Variants in TACR1 observed in about 807,000 individuals in gnomAD.
TACR1 encodes the protein substance-P receptor.
In TACR1, 25 loss-of-function variants were observed where a neutral mutation model predicts 35.8. The observed-to-expected ratio is 0.70, with a 90% confidence interval of 0.51 to 0.98. The LOEUF (loss-of-function observed/expected upper bound fraction) is 0.98. TACR1 is among the 50% of genes least tolerant of loss of function. The pLI is 0.00. For synonymous variants in TACR1, 195 were observed against 206.7 expected, an observed-to-expected ratio of 0.94 and a Z score of 0.48; for missense variants, 478 against 522.9, an observed-to-expected ratio of 0.91 and a Z score of 0.84.
At chr2:75,076,276 C>A (rs1672974292) in intron 2 of TACR1, among the ~76,000 whole-genome samples, 1 of 152,322 alleles carries the variant, frequency 6.6e-6, no homozygotes, top group South Asian at 2.1e-4. Context: ...GCAGCTGGCG[C>A]TGTTTACTCA....
At chr2:75,094,291 A>G in intron 2 of TACR1, among the ~76,000 whole-genome samples, 1 of 152,212 alleles carries the variant, frequency 6.6e-6, no homozygotes, top group East Asian at 1.9e-4. Context: ...TTTGAATTAA[A>G]ATAAAGAGAA....
chr2:75,051,093 A>G, intron 4 of TACR1, 158 bp downstream of exon 4: 1 of 904,170 alleles, frequency 1.1e-6, no homozygotes, highest in East Asian at 2.5e-5. Context: ...GATGGTGATA[A>G]TCAGCCAGGC....
At chr2:75,186,839 T>A (rs1277201480) in intron 1 of TACR1, 4 of 152,250 alleles carry the variant, frequency 2.6e-5, no homozygotes, top group Non-Finnish European at 5.9e-5. Context: ...GTCATTGACA[T>A]TTATTGAAGC....
intron 1 of TACR1, among the ~76,000 whole-genome samples, chr2:75,169,589 A>G (rs1433562555): frequency 6.6e-6 from 1 of 152,196 alleles, no homozygotes; most frequent in Non-Finnish European, 1.5e-5. Context: ...AGATGAAGAC[A>G]TTTTACAATT....
chr2:75,117,335 C>G (rs1004224331), intron 2 of TACR1, among the ~76,000 whole-genome samples: 1 of 152,210 alleles, frequency 6.6e-6, no homozygotes, highest in African/African-American at 2.4e-5. Context: ...AGCCAGAAGG[C>G]AGGTGCAGCA....
At chr2:75,182,143 C>G (rs1675574127) in intron 1 of TACR1, among the ~76,000 whole-genome samples, 1 of 152,196 alleles carries the variant, frequency 6.6e-6, no homozygotes, top group African/African-American at 2.4e-5. Context: ...AGGCCTCTCG[C>G]CTGTGTTTCA....
At chr2:75,096,030 A>G (rs6729637) in intron 2 of TACR1, among the ~76,000 whole-genome samples, 100,204 of 152,010 alleles carry the variant, frequency 0.66, 33,128 homozygotes, top group Middle Eastern at 0.7. Context: ...AAGGCTTAGG[A>G]TCAAGGTGAG....
At chr2:75,198,444 C>A (rs1676046150) in intron 1 of TACR1, 102 bp downstream of exon 1, 11 of 1,381,592 alleles carry the variant, frequency 8.0e-6, no homozygotes, top group Non-Finnish European at 8.9e-6. Flanking sequence ...TCAGAGTGGC[C>A]AATCTTCCAC....
At chr2:75,135,364 A>C (rs1674258242) in intron 1 of TACR1, among the ~76,000 whole-genome samples, 1 of 152,276 alleles carries the variant, frequency 6.6e-6, no homozygotes, top group Non-Finnish European at 1.5e-5. Flanking sequence ...ATTCTGGTGC[A>C]TAGCAGGCAC....
At chr2:75,152,416 A>G (rs184719467) in intron 1 of TACR1, among the ~76,000 whole-genome samples, 3 of 152,264 alleles carry the variant, frequency 2.0e-5, no homozygotes, top group East Asian at 3.9e-4. Flanking sequence ...TGGTTTTATC[A>G]GGGGTTTCTG....
At chr2:75,168,244 C>A (rs1325674425) in intron 1 of TACR1, among the ~76,000 whole-genome samples, 3 of 152,174 alleles carry the variant, frequency 2.0e-5, no homozygotes, top group Non-Finnish European at 4.4e-5. Flanking sequence ...TAGTGCCCCT[C>A]CACTCCCAAA....
At chr2:75,138,574 T>A (rs1014051282) in intron 1 of TACR1, among the ~76,000 whole-genome samples, 4 of 152,060 alleles carry the variant, frequency 2.6e-5, no homozygotes, top group African/African-American at 9.7e-5. Context: ...TGTCACCCAG[T>A]TGATGTGGTT....
At chr2:75,108,289 A>G (rs1673689230) in intron 2 of TACR1, among the ~76,000 whole-genome samples, 1 of 152,174 alleles carries the variant, frequency 6.6e-6, no homozygotes, top group South Asian at 2.1e-4. Flanking sequence ...TAGTCAGTAT[A>G]TTAAAAGCAT....
In TACR1 at chr2:75,134,745, T is replaced by C. The variant is rs1451357680; in HGVS notation, c.390-13977A>G. On this transcript the variant is annotated intron_variant, in intron 1 of 4. Coordinates refer to ENST00000305249, the MANE Select transcript of TACR1 (RefSeq NM_001058.4). ...TATCAGGAGTCAGTATTGTATCTTCTATTTCATTGAATCCCCATGGCACCT... is the reference window on the plus strand; with the variant it reads ...TATCAGGAGTCAGTATTGTATCTTCCATTTCATTGAATCCCCATGGCACCT... Among the ~76,000 whole-genome samples the C allele has an allele frequency of 2.0e-5, 3 of 152,228 alleles. No homozygotes were observed. In the East Asian group the frequency reaches 5.8e-4, roughly 29 times the overall value.
At chr2:75,075,612 GAATA>G (rs140369125) in intron 2 of TACR1, among the ~76,000 whole-genome samples, 1,845 of 152,202 alleles carry the variant, frequency 0.012, 29 homozygotes, top group African/African-American at 0.041. Flanking sequence ...AAATAAGGCA[GAATA>G]AATCAAAATA....
intron 1 of TACR1, among the ~76,000 whole-genome samples, chr2:75,185,087 G>A (rs1305675046): frequency 6.6e-6 from 1 of 151,860 alleles, no homozygotes; most frequent in Non-Finnish European, 1.5e-5. Context: ...ATAGATCAGA[G>A]AAAGCCTAAA....
chr2:75,103,493 G>A (rs1673581635), intron 2 of TACR1, among the ~76,000 whole-genome samples: 1 of 151,954 alleles, frequency 6.6e-6, no homozygotes, highest in South Asian at 2.1e-4. Context: ...AATAAATTGA[G>A]TAACTCAAAG....
At chr2:75,161,374 T>C (rs1675005847) in intron 1 of TACR1, among the ~76,000 whole-genome samples, 1 of 152,028 alleles carries the variant, frequency 6.6e-6, no homozygotes, top group South Asian at 2.1e-4. Context: ...GCATAATATT[T>C]AATAGTAAGA....
chr2:75,104,807 G>T (rs182628615), intron 2 of TACR1, among the ~76,000 whole-genome samples: 14 of 152,118 alleles, frequency 9.2e-5, no homozygotes, highest in African/African-American at 3.4e-4. Context: ...CTAATCATCA[G>T]GGAAATACAA....
Sources: allele counts gnomAD v4.1 joint callset (sites outside exome capture counted in the v4.1 genomes callset), GRCh38; gene constraint gnomAD v4.1.1; transcripts MANE v1.5; gene names NCBI Gene and HGNC (gene_info 2026-07-23, HGNC 2026-07-21).